KATNAL1: variants seen among roughly 807,000 people sequenced by gnomAD.
The protein encoded by KATNAL1 is katanin catalytic subunit A1 like 1.
In KATNAL1, 32 loss-of-function variants were observed where a neutral mutation model predicts 55.2. The observed-to-expected ratio is 0.58, with a 90% CI of 0.44 to 0.78. KATNAL1 has a LOEUF of 0.78. Among genes scored for constraint, KATNAL1 ranks in the 30% least tolerant of loss-of-function variants. The pLI, the probability that KATNAL1 is intolerant of heterozygous loss-of-function variation, is 0.00. For synonymous variants in KATNAL1, 193 were observed against 193.6 expected (o/e 1.00, Z 0.02); for missense variants, 466 against 600.9 (o/e 0.78, Z 2.35).
chr13:30,210,199 G>T, intron 10 of KATNAL1, 117 bp downstream of exon 10: 2 of 746,188 alleles, frequency 2.7e-6, no homozygotes, highest in Non-Finnish European at 3.9e-6. Context: ...CCATTTTAAA[G>T]AAATGGGTAG....
intron 9 of KATNAL1, among the ~76,000 whole-genome samples, chr13:30,213,421 T>G (rs1466405957): frequency 3.3e-5 from 5 of 152,124 alleles, no homozygotes; most frequent in Non-Finnish European, 7.4e-5. Context: ...TAACTCATTT[T>G]ATGAGGCCAG....
At position 30,270,614 on chromosome 13, in the gene KATNAL1, C is replaced by A. The variant is rs1366323880; in HGVS notation, c.323+9449G>T. Among the ~76,000 whole-genome samples, 4 of 151,914 alleles carry A rather than the reference C, an allele frequency of 2.6e-5. No homozygotes were observed. In the East Asian group the frequency reaches 7.7e-4, roughly 29 times the overall value. ...ATCCTGTTGATCTGTGACCTTACCC[C>A]CAACCCTGTGCTCTCTGAAACATGT... On this transcript the variant is annotated intron_variant, in intron 3 of 10. Coordinates refer to ENST00000380615, the MANE Select transcript of KATNAL1 (RefSeq NM_032116.5).
At chr13:30,216,030 A>C (rs1163589015) in intron 9 of KATNAL1, among the ~76,000 whole-genome samples, 1 of 152,182 alleles carries the variant, frequency 6.6e-6, no homozygotes, top group Non-Finnish European at 1.5e-5. Flanking sequence ...ACAGAATACC[A>C]CACAGTAACA....
chr13:30,234,897 C>G (rs989036159), intron 6 of KATNAL1, among the ~76,000 whole-genome samples: 4 of 152,028 alleles, frequency 2.6e-5, no homozygotes, highest in Non-Finnish European at 5.9e-5. Context: ...CACAATAGGC[C>G]CTGAAATTTT....
chr13:30,296,812 G>A (rs1882532668), intron 1 of KATNAL1: 4 of 400,698 alleles, frequency 1.0e-5, no homozygotes, highest in South Asian at 3.9e-5. Flanking sequence ...CTACCTAGGT[G>A]CCCTGTGCTG....
At chr13:30,264,159 G>T (rs376060319) in intron 3 of KATNAL1, among the ~76,000 whole-genome samples, 3 of 150,710 alleles carry the variant, frequency 2.0e-5, no homozygotes, top group Non-Finnish European at 2.9e-5. Context: ...GTGCTGGGAA[G>T]ACTGGCTAGC....
At chr13:30,212,674 C>T (rs563553655) in intron 9 of KATNAL1, among the ~76,000 whole-genome samples, 2 of 152,350 alleles carry the variant, frequency 1.3e-5, no homozygotes, top group Non-Finnish European at 1.5e-5. Context: ...TCCATTCTGG[C>T]ATTCTTACCA....
chr13:30,271,030 G>A (rs982264697), intron 3 of KATNAL1, among the ~76,000 whole-genome samples: 2 of 152,152 alleles, frequency 1.3e-5, no homozygotes, highest in East Asian at 1.9e-4. Context: ...CTTTCTATGT[G>A]AGTGACATTT....
At chr13:30,254,457 G>T (rs77849523) in intron 4 of KATNAL1, among the ~76,000 whole-genome samples, 3,253 of 152,078 alleles carry the variant, frequency 0.021, 46 homozygotes, top group Non-Finnish European at 0.033. Flanking sequence ...ATATGTCTTT[G>T]AACTATCTCA....
chr13:30,211,164 A>G (rs1275635505), intron 9 of KATNAL1, among the ~76,000 whole-genome samples: 4 of 152,206 alleles, frequency 2.6e-5, no homozygotes, highest in Admixed American at 1.3e-4. Flanking sequence ...CTATTTCCTG[A>G]GATACAAAAT....
chr13:30,218,204 G>A (rs888489874), intron 9 of KATNAL1, among the ~76,000 whole-genome samples: 135 of 41,182 alleles, frequency 3.3e-3, no homozygotes, highest in Non-Finnish European at 5.1e-3. Context: ...GCAGTAAAAG[G>A]AATATATATA....
At chr13:30,234,211 T>A (rs1194560862) in intron 6 of KATNAL1, among the ~76,000 whole-genome samples, 1 of 152,120 alleles carries the variant, frequency 6.6e-6, no homozygotes, top group Non-Finnish European at 1.5e-5. Flanking sequence ...ACACAAAAAA[T>A]GTTTAAAAAA....
At chr13:30,237,363 G>A (rs73163474) in intron 6 of KATNAL1, among the ~76,000 whole-genome samples, 8,313 of 152,204 alleles carry the variant, frequency 0.055, 359 homozygotes, top group East Asian at 0.18. Context: ...AAATTATGGT[G>A]CAGTCTGAGA....
At chr13:30,225,598 CAGTA>C (rs1339010300) in intron 9 of KATNAL1, among the ~76,000 whole-genome samples, 2 of 151,572 alleles carry the variant, frequency 1.3e-5, no homozygotes, top group Non-Finnish European at 2.9e-5. Context: ...AAACTCCTTT[CAGTA>C]AGTGATGATA....
At chr13:30,238,248 T>A (rs553024458) in intron 6 of KATNAL1, among the ~76,000 whole-genome samples, 2 of 152,314 alleles carry the variant, frequency 1.3e-5, no homozygotes, top group Non-Finnish European at 2.9e-5. Flanking sequence ...TTTACATAGT[T>A]CTAAGGCCTC....
chr13:30,252,942 A>G (rs1430534633), intron 4 of KATNAL1, among the ~76,000 whole-genome samples: 2 of 152,034 alleles, frequency 1.3e-5, no homozygotes, highest in Non-Finnish European at 2.9e-5. Context: ...AGACGGGGTT[A>G]CACTATGTTG....
At chr13:30,270,216 C>G (rs554937875) in intron 3 of KATNAL1, among the ~76,000 whole-genome samples, 3,765 of 108,444 alleles carry the variant, frequency 0.035, 262 homozygotes, top group African/African-American at 0.097. Flanking sequence ...GTCAGCCCCC[C>G]GCCCGGCCAG....
chr13:30,253,492 C>A (rs963244134), intron 4 of KATNAL1, among the ~76,000 whole-genome samples: 1 of 151,554 alleles, frequency 6.6e-6, no homozygotes, highest in African/African-American at 2.4e-5. Context: ...TGAAACAACG[C>A]CTCCACTAAA....
chr13:30,285,680 G>A (rs1881732929), intron 1 of KATNAL1, among the ~76,000 whole-genome samples: 1 of 152,242 alleles, frequency 6.6e-6, no homozygotes, highest in Non-Finnish European at 1.5e-5. Flanking sequence ...AAATGTGGAA[G>A]TGACTTTGGA....
Sources: allele counts gnomAD v4.1 joint callset (sites outside exome capture counted in the v4.1 genomes callset), GRCh38; gene constraint gnomAD v4.1.1; transcripts MANE v1.5; gene names NCBI Gene and HGNC (gene_info 2026-07-23, HGNC 2026-07-21).